LARS2: variants seen among roughly 807,000 people sequenced by gnomAD.
LARS2 encodes leucyl-tRNA synthetase 2, mitochondrial.
A neutral mutation model predicts 116.6 loss-of-function variants in LARS2; 81 were observed. That is an observed-to-expected ratio of 0.69 (90% CI 0.58 to 0.84). LARS2 has a LOEUF of 0.84. Among genes scored for constraint, LARS2 ranks in the 40% least tolerant of loss-of-function variants. LARS2 has a pLI of 0.00. For missense variants in LARS2, 968 were observed against 1,114.5 expected (o/e 0.87, Z 1.87); for synonymous variants, 396 against 407.2 (o/e 0.97, Z 0.33).
rs559904499 is a variant in LARS2, at chr3:45,525,352, T to C, written c.2404+1244T>C. 2.6e-5 allele frequency among the ~76,000 whole-genome samples: 4 copies of C among 152,372 alleles called. No homozygotes were observed. The South Asian group carries it at 6.2e-4, about 24-fold the overall frequency. ...AAAATTAAACTTGTTCAGCCAAATA[T>C]TGAAGTTCACGTAGTGGGAGGATTT... On this transcript the variant is annotated intron_variant, in intron 20 of 21. Coordinates refer to ENST00000645846, the MANE Select transcript of LARS2 (RefSeq NM_015340.4).
At chr3:45,501,497 A>G (rs1271575642) in intron 15 of LARS2, among the ~76,000 whole-genome samples, 1 of 152,160 alleles carries the variant, frequency 6.6e-6, no homozygotes, top group African/African-American at 2.4e-5. Flanking sequence ...GGATGAAGTT[A>G]TATTTCATTC....
At chr3:45,396,488 G>A (rs1371791562) in intron 3 of LARS2, among the ~76,000 whole-genome samples, 1 of 152,244 alleles carries the variant, frequency 6.6e-6, no homozygotes. Flanking sequence ...AGAACGTGGT[G>A]TGTCTATCAG....
chr3:45,517,538 C>T (rs1183604112), intron 17 of LARS2, among the ~76,000 whole-genome samples: 1 of 152,250 alleles, frequency 6.6e-6, no homozygotes, highest in Non-Finnish European at 1.5e-5. Context: ...AGCACTGTCT[C>T]CAAAGCACCA....
chr3:45,394,942 A>G (rs1165464731), intron 3 of LARS2, among the ~76,000 whole-genome samples: 1 of 152,206 alleles, frequency 6.6e-6, no homozygotes, highest in Non-Finnish European at 1.5e-5. Context: ...AGAGTTTCCA[A>G]TGTGGTGGAT....
In LARS2 at chr3:45,404,727, C is replaced by G. The variant is rs141274551; in HGVS notation, c.363+4354C>G. Among the ~76,000 whole-genome samples, 624 of 152,264 alleles carry G rather than the reference C, an allele frequency of 4.1e-3. 3 individuals carry two copies. The highest frequency in any genetic ancestry group is 0.013 in the African/African-American group (558 of 41,544). ...TCTCCTGCCTCAGCCTCCCGAGTAG[C>G]TGGGATTACAAGTACACGCCACCAC... On this transcript the variant is annotated intron_variant, in intron 4 of 21. Coordinates refer to ENST00000645846, the MANE Select transcript of LARS2 (RefSeq NM_015340.4).
At chr3:45,415,877 A>G (rs1559461338) in intron 4 of LARS2, among the ~76,000 whole-genome samples, 1 of 93,950 alleles carries the variant, frequency 1.1e-5, no homozygotes, top group South Asian at 3.0e-4. Context: ...ATATATATAT[A>G]GAGAGAGAGA....
At chr3:45,536,867 T>C (rs959252939) in intron 20 of LARS2, among the ~76,000 whole-genome samples, 3 of 152,228 alleles carry the variant, frequency 2.0e-5, no homozygotes, top group Admixed American at 6.5e-5. Context: ...TGTCTACCTT[T>C]ATAGAGATGT....
chr3:45,468,040 A>G (rs1432066555), intron 8 of LARS2, among the ~76,000 whole-genome samples: 3 of 152,086 alleles, frequency 2.0e-5, no homozygotes, highest in Non-Finnish European at 2.9e-5. Context: ...TCGAGGCTGC[A>G]GTGAGCCGAG....
chr3:45,491,915 A>C, intron 13 of LARS2, 115 bp downstream of exon 13: 1 of 1,008,918 alleles, frequency 9.9e-7, no homozygotes, highest in Non-Finnish European at 1.4e-6. Context: ...CCTGACTTCC[A>C]TGAGGCTGGA....
intron 20 of LARS2, among the ~76,000 whole-genome samples, chr3:45,541,125 C>T (rs1700789241): frequency 6.6e-6 from 1 of 152,164 alleles, no homozygotes. Flanking sequence ...GGAGCACTGG[C>T]CACTGCAGCT....
chr3:45,393,972 C>T (rs1698002336), intron 2 of LARS2, among the ~76,000 whole-genome samples: 1 of 152,176 alleles, frequency 6.6e-6, no homozygotes, highest in Admixed American at 6.5e-5. Flanking sequence ...AATAGTAGTT[C>T]AGAATTTCTG....
chr3:45,474,064 T>C (rs1222230977), intron 8 of LARS2, among the ~76,000 whole-genome samples, 179 bp from the exon 9 acceptor site: 2 of 152,234 alleles, frequency 1.3e-5, no homozygotes, highest in Non-Finnish European at 2.9e-5. Context: ...TGAGTCATAA[T>C]GAATGCATCT....
intron 16 of LARS2, among the ~76,000 whole-genome samples, chr3:45,514,097 T>C (rs1700334585): frequency 2.0e-5 from 3 of 151,882 alleles, no homozygotes; most frequent in Admixed American, 2.0e-4. Context: ...TCCCAGCTAC[T>C]CAGGAGGCTG....
chr3:45,421,407 G>C (rs1371252165), intron 6 of LARS2: 1 of 152,100 alleles, frequency 6.6e-6, no homozygotes, highest in East Asian at 1.9e-4. Flanking sequence ...AGGCACATTT[G>C]GCTGACAGCA....
chr3:45,394,597 A>G lies in LARS2; in HGVS notation c.144A>G (p.Thr48=), dbSNP rs1698012334. Reference sequence around the variant, plus strand: ...TCTACAGTGCCACGGGAAAGTGGACAAAAGAGTATACATTGCAGACAAGAA... The same window carrying G: ...TCTACAGTGCCACGGGAAAGTGGACGAAAGAGTATACATTGCAGACAAGAA... The part of the protein sequence containing the change: ...RSIYSATGKW[T]KEYTLQTRKD... Residue 48 remains threonine (T), a synonymous_variant, in exon 3 of 22, where the codon ACA becomes ACG. Transcript: ENST00000645846. 1 of 1,614,220 alleles carries G rather than the reference A, an allele frequency of 6.2e-7. No individual in the cohort carries two copies. Among genetic ancestry groups the G allele is most frequent in the African/African-American group, 1.3e-5 (1 of 75,064 alleles).
chr3:45,427,065 A>G (rs1464871386), intron 6 of LARS2, among the ~76,000 whole-genome samples: 2 of 152,102 alleles, frequency 1.3e-5, no homozygotes, highest in African/African-American at 4.8e-5. Context: ...TTCTTGTCAT[A>G]AGATTAGGTT....
intron 4 of LARS2, among the ~76,000 whole-genome samples, chr3:45,410,511 A>G (rs1341815427): frequency 6.6e-6 from 1 of 152,178 alleles, no homozygotes; most frequent in African/African-American, 2.4e-5. Context: ...TTAAGCAAAA[A>G]GGGAGGCTTT....
intron 6 of LARS2, among the ~76,000 whole-genome samples, chr3:45,430,074 C>T (rs1407780676): frequency 1.6e-4 from 19 of 121,166 alleles, no homozygotes; most frequent in Admixed American, 2.2e-4. Context: ...TGTAGTGGCG[C>T]GATCTCGGCT....
chr3:45,455,147 A>G (rs1375315486), intron 7 of LARS2, among the ~76,000 whole-genome samples: 1 of 125,798 alleles, frequency 7.9e-6, no homozygotes, highest in Non-Finnish European at 1.7e-5. Flanking sequence ...TTTGTCTTTC[A>G]TTCAATGCTT....
Sources: gnomAD v4.1 joint callset for allele counts (sites outside exome capture counted in the v4.1 genomes callset) on GRCh38, gnomAD v4.1.1 for gene constraint, MANE v1.5 for transcripts, NCBI Gene and HGNC (gene_info 2026-07-23, HGNC 2026-07-21) for gene names.